Variants in KCNN3 observed in about 807,000 individuals in gnomAD.
KCNN3 encodes potassium calcium-activated channel subfamily N member 3, also known as small conductance calcium-activated potassium channel protein 3.
KCNN3 carries 16 observed loss-of-function variants against 62.9 expected under a neutral mutation model. The observed-to-expected ratio is 0.25, with a 90% CI of 0.17 to 0.39. The LOEUF (loss-of-function observed/expected upper bound fraction) is 0.39. KCNN3 is among the 10% of genes least tolerant of loss of function. The pLI is 1.00. For synonymous variants in KCNN3, 370 were observed against 389.2 expected, an observed-to-expected ratio of 0.95 and a Z score of 0.58; for missense variants, 599 against 949.4, an observed-to-expected ratio of 0.63 and a Z score of 4.85.
Position 154,790,128 on chromosome 1 carries a change from T to C in KCNN3, c.1030-17735A>G, listed in dbSNP as rs1257907604. On this transcript the variant is annotated intron_variant, in intron 2 of 7. Transcript: ENST00000271915. ...AGGATTCGCTACATATATGGCAACATATATGTTGGCCAGGCTGGTCTCGAA... is the reference window on the plus strand; with the variant it reads ...AGGATTCGCTACATATATGGCAACACATATGTTGGCCAGGCTGGTCTCGAA... Among the ~76,000 whole-genome samples the C allele has an allele frequency of 2.6e-5, 4 of 152,220 alleles. No individual in the cohort carries two copies. In the South Asian group the frequency reaches 8.3e-4, roughly 32 times the overall value.
chr1:154,793,889 G>C (rs904406416), intron 2 of KCNN3, among the ~76,000 whole-genome samples: 4 of 152,274 alleles, frequency 2.6e-5, no homozygotes, highest in African/African-American at 9.6e-5. Context: ...ATCTGGGTGG[G>C]AGAGCATCCG....
At chr1:154,859,691 C>T in intron 1 of KCNN3, 1 of 1,614,136 alleles carries the variant, frequency 6.2e-7, no homozygotes, top group Non-Finnish European at 8.5e-7. Context: ...GGCAGGGCAC[C>T]CACCTTTATA....
At chr1:154,714,387 G>GGTGTGTGTGTGTGGTGTTT in intron 6 of KCNN3, among the ~76,000 whole-genome samples, 1 of 134,360 alleles carries the variant, frequency 7.4e-6, no homozygotes, top group South Asian at 2.5e-4. Flanking sequence ...GTGTGTGTGG[G>GGTGTGTGTGTGTGGTGTTT]GTGTGTGTGT....
intron 3 of KCNN3, among the ~76,000 whole-genome samples, chr1:154,756,176 G>GAGA (rs1284691692): frequency 1.6e-5 from 2 of 121,386 alleles, no homozygotes; most frequent in African/African-American, 3.1e-5. Flanking sequence ...AAGAGAAGAA[G>GAGA]AGGTGGAGGA....
chr1:154,789,624 CAAG>C (rs1359596202), intron 2 of KCNN3, among the ~76,000 whole-genome samples: 1 of 152,100 alleles, frequency 6.6e-6, no homozygotes, highest in African/African-American at 2.4e-5. Flanking sequence ...GGACAGGAAC[CAAG>C]AAGTGAATGA....
intron 2 of KCNN3, among the ~76,000 whole-genome samples, chr1:154,795,959 G>A (rs1344983320): frequency 1.3e-5 from 2 of 152,196 alleles, no homozygotes; most frequent in Non-Finnish European, 2.9e-5. Flanking sequence ...GTATTCTAAG[G>A]ACAAGGAGGA....
chr1:154,731,872 T>C (rs1700602135), intron 4 of KCNN3, among the ~76,000 whole-genome samples: 1 of 152,168 alleles, frequency 6.6e-6, no homozygotes, highest in Non-Finnish European at 1.5e-5. Flanking sequence ...GCTTTCCTCT[T>C]TCAGCCTCAG....
rs746772658 is a variant in KCNN3, at chr1:154,869,854, T to TTGC, written c.108_110dup (p.Gln41dup). ...CTGGCGGTGGTGGCTGCTGCTGCTG[T>TTGC]TGCTGCTGCTGCTGCTGCTGCTGCT... On this transcript the variant is annotated inframe_insertion, in exon 1 of 8. Coordinates refer to ENST00000271915, the MANE Select transcript of KCNN3 (RefSeq NM_002249.6). The surrounding 1 kb of genome is among the most constrained non-coding windows in gnomAD (Gnocchi z 6.1). The TTGC allele has an allele frequency of 1.4e-3, 2,290 of 1,583,792 alleles. 3 individuals carry two copies. Among genetic ancestry groups the TTGC allele is most frequent in the African/African-American group, 3.9e-3 (284 of 73,086 alleles).
intron 3 of KCNN3, among the ~76,000 whole-genome samples, chr1:154,742,679 C>T (rs1441572290): frequency 6.6e-6 from 1 of 152,258 alleles, no homozygotes; most frequent in Non-Finnish European, 1.5e-5. Context: ...CAGATCACTC[C>T]ACGGACTCAG....
intron 1 of KCNN3, among the ~76,000 whole-genome samples, chr1:154,853,483 G>A (rs1322483647): frequency 3.3e-5 from 5 of 151,730 alleles, no homozygotes; most frequent in East Asian, 1.9e-4. Flanking sequence ...CCACAGGCAC[G>A]CACCACCATG....
Position 154,791,246 on chromosome 1 carries a change from AC to A in KCNN3, c.1030-18854del, listed in dbSNP as rs377689007. ...TCCATCTCAAAAAAAAAAAAAAAAA[AC>A]AAGTTAGGATGGTATTTTATATTAC... On this transcript the variant is annotated intron_variant, in intron 2 of 7. Coordinates refer to ENST00000271915, the MANE Select transcript of KCNN3 (RefSeq NM_002249.6). 3.5e-4 allele frequency among the ~76,000 whole-genome samples: 53 copies of A among 149,792 alleles called. 1 individual carries two copies. The highest frequency in any genetic ancestry group is 4.6e-4 in the Admixed American group (7 of 15,060).
At position 154,707,794 on chromosome 1, in the gene KCNN3, A is replaced by T; in HGVS notation, c.*182T>A. The T allele has an allele frequency of 3.0e-6, 2 of 669,256 alleles. No homozygotes were observed. The highest frequency in any genetic ancestry group is 2.1e-5 in the South Asian group (1 of 47,770). 41.5% of individuals were successfully genotyped at this position (669,256 alleles called of 1,614,324 possible). A position where few individuals can be genotyped will look rare whatever the true frequency, so the allele number is the denominator to read the frequency against. ...AAGTAGAGGCACCTAAACAGAGATTAGATTTCTGGTTTCAAGGCATGTCGG... is the reference window on the plus strand; with the variant it reads ...AAGTAGAGGCACCTAAACAGAGATTTGATTTCTGGTTTCAAGGCATGTCGG... On this transcript the variant is annotated 3_prime_UTR_variant, in exon 8 of 8. Coordinates refer to ENST00000271915, the MANE Select transcript of KCNN3 (RefSeq NM_002249.6).
rs60541887 is a variant in KCNN3, at chr1:154,758,791, G to GTTTTGTTTTTGTTTTTGT, written c.1448+13166_1448+13183dup. On this transcript the variant is annotated intron_variant, in intron 3 of 7. Transcript: ENST00000271915. ...CTGTATTAAATGGAAGGAGAACATC[G>GTTTTGTTTTTGTTTTTGT]TTTTGTTTTTGTTTTTGTTTTTGTT... Among the ~76,000 whole-genome samples, 178 of 148,436 alleles carry GTTTTGTTTTTGTTTTTGT rather than the reference G, an allele frequency of 1.2e-3. 3 individuals are homozygous for GTTTTGTTTTTGTTTTTGT. The Middle Eastern group carries it at 0.024, about 20-fold the overall frequency.
intron 2 of KCNN3, among the ~76,000 whole-genome samples, chr1:154,778,445 G>A (rs890566965): frequency 1.3e-5 from 2 of 152,000 alleles, no homozygotes; most frequent in Non-Finnish European, 1.5e-5. Context: ...GGTTACATAG[G>A]GCTTCAGCAG....
At chr1:154,779,800 G>A (rs188976739) in intron 2 of KCNN3, among the ~76,000 whole-genome samples, 1 of 152,314 alleles carries the variant, frequency 6.6e-6, no homozygotes, top group Admixed American at 6.5e-5. Flanking sequence ...CGGCCAGCGA[G>A]GGATAGTACA....
At chr1:154,741,548 T>C (rs1195487575) in intron 3 of KCNN3, among the ~76,000 whole-genome samples, 1 of 152,242 alleles carries the variant, frequency 6.6e-6, no homozygotes, top group Non-Finnish European at 1.5e-5. Flanking sequence ...CCAAATTCCT[T>C]GAGCTTGGAG....
At chr1:154,799,693 C>T (rs1051721576) in intron 2 of KCNN3, among the ~76,000 whole-genome samples, 1 of 152,180 alleles carries the variant, frequency 6.6e-6, no homozygotes, top group Admixed American at 6.5e-5. Context: ...TTCCTGAATC[C>T]GCAAGTGCCC....
chr1:154,713,607 G>T, intron 6 of KCNN3, 74 bp from the exon 7 acceptor site: 1 of 1,216,694 alleles, frequency 8.2e-7, no homozygotes, highest in Non-Finnish European at 1.2e-6. Context: ...AGATCCTCCA[G>T]CCCTACCACT....
chr1:154,859,491 G>A (rs1369350674), intron 1 of KCNN3, among the ~76,000 whole-genome samples: 2 of 152,194 alleles, frequency 1.3e-5, no homozygotes, highest in East Asian at 1.9e-4. Flanking sequence ...ACTGAGGCTC[G>A]GAGAGTTTGA....
Sources: gnomAD v4.1 joint callset for allele counts (sites outside exome capture counted in the v4.1 genomes callset) on GRCh38, gnomAD v4.1.1 for gene constraint, Gnocchi (gnomAD v3.1) non-coding constraint, MANE v1.5 for transcripts, NCBI Gene and HGNC (gene_info 2026-07-23, HGNC 2026-07-21) for gene names.